ADGRV1: variants seen among roughly 807,000 people sequenced by gnomAD.
ADGRV1 encodes the protein adhesion G protein-coupled receptor V1.
ADGRV1 carries 359 observed loss-of-function variants against 596.2 expected under a neutral mutation model. The observed-to-expected ratio is 0.60, with a 90% confidence interval of 0.55 to 0.66. The LOEUF is 0.66. ADGRV1 is among the 30% of genes least tolerant of loss of function. The pLI is 0.00. For synonymous variants in ADGRV1, 2,681 were observed against 2,679.2 expected, an observed-to-expected ratio of 1.00 and a Z score of -0.02; for missense variants, 7,274 against 7,575.6, an observed-to-expected ratio of 0.96 and a Z score of 1.48.
chr5:90,789,967 T>G (rs1303197314), intron 69 of ADGRV1, 116 bp downstream of exon 69: 1 of 683,874 alleles, frequency 1.5e-6, no homozygotes, highest in Non-Finnish European at 2.1e-6. Context: ...TAAAGTTACG[T>G]GAGTTTTCAG....
At chr5:91,163,381 A>G (rs770223745) in intron 89 of ADGRV1, among the ~76,000 whole-genome samples, 16 of 152,212 alleles carry the variant, frequency 1.1e-4, no homozygotes, top group Non-Finnish European at 2.2e-4. Context: ...ACCTCAGTGC[A>G]TATGAATTCG....
intron 87 of ADGRV1, among the ~76,000 whole-genome samples, chr5:91,117,924 A>C (rs912200898): frequency 6.6e-6 from 1 of 152,206 alleles, no homozygotes; most frequent in African/African-American, 2.4e-5. Context: ...TAAATAATAC[A>C]TGTGAAGCAT....
At chr5:90,943,838 T>C (rs768185138) in intron 83 of ADGRV1, among the ~76,000 whole-genome samples, 18 of 152,110 alleles carry the variant, frequency 1.2e-4, no homozygotes, top group African/African-American at 3.9e-4. Context: ...ACATCAGTCA[T>C]TGGATTTAGA....
At chr5:91,007,425 T>C (rs866089045) in intron 85 of ADGRV1, among the ~76,000 whole-genome samples, 1 of 152,162 alleles carries the variant, frequency 6.6e-6, no homozygotes, top group East Asian at 1.9e-4. Flanking sequence ...TTCTCTCCCC[T>C]GGGTCCTACT....
intron 85 of ADGRV1, among the ~76,000 whole-genome samples, chr5:90,991,582 T>G (rs1279413541): frequency 6.6e-6 from 1 of 152,116 alleles, no homozygotes; most frequent in Non-Finnish European, 1.5e-5. Context: ...TCCAGCCTAG[T>G]TTTTTAGTAT....
chr5:90,887,573 G>A (rs1376248606), intron 83 of ADGRV1, among the ~76,000 whole-genome samples: 1 of 152,116 alleles, frequency 6.6e-6, no homozygotes, highest in African/African-American at 2.4e-5. Context: ...AGCACTGAAT[G>A]CATATTTGTT....
chr5:91,028,777 C>T (rs896879644), intron 85 of ADGRV1, among the ~76,000 whole-genome samples: 5 of 118,292 alleles, frequency 4.2e-5, no homozygotes, highest in South Asian at 2.8e-4. Flanking sequence ...TTTGTTCTGT[C>T]GCCAAGGCTG....
chr5:91,156,541 A>G (rs1796495658), intron 89 of ADGRV1, among the ~76,000 whole-genome samples: 1 of 152,234 alleles, frequency 6.6e-6, no homozygotes, highest in Admixed American at 6.5e-5. Flanking sequence ...CACCGGAAAC[A>G]TAAAGTGAAT....
Position 90,724,924 on chromosome 5 carries a change from G to A in ADGRV1, c.9841G>A (p.Gly3281Ser). Residue 3281 changes from glycine (G) to serine (S), a missense_variant, in exon 46 of 90, where the codon GGT (glycine) becomes AGT (serine). By Grantham distance (56) the Gly-to-Ser change is moderately conservative. Around this residue, in one of 5 missense-constraint regions of ADGRV1, gnomAD observed 3,643 missense variants for 3,809.2 expected, o/e 0.96. Coordinates refer to ENST00000405460, the MANE Select transcript of ADGRV1 (RefSeq NM_032119.4). ...CTTTACTTTGGAAAATTTAATATAT[G>A]GTATAATGTTAAGAAAATCATCTGT... is the stretch of plus-strand genomic sequence containing the variant. ...CFFTLENLIY[G>S]IMLRKSSVTV... 6.2e-7 allele frequency: 1 copy of A among 1,609,390 alleles called. No homozygotes were observed. The highest frequency in any genetic ancestry group is 8.5e-7 in the Non-Finnish European group (1 of 1,176,850).
Position 90,603,025 on chromosome 5 carries a change from T to G in ADGRV1, c.23-11810T>G, listed in dbSNP as rs148620377. ...TGGAGGAACCACAAATTATTACAGA[T>G]GAAATACAAACTTTTTTTTCTAACC... On this transcript the variant is annotated intron_variant, in intron 1 of 89. Transcript: ENST00000405460. Among the ~76,000 whole-genome samples the G allele has an allele frequency of 5.6e-4, 86 of 152,336 alleles. 1 individual carries two copies. The highest frequency in any genetic ancestry group is 4.8e-3 in the East Asian group (25 of 5,182).
chr5:91,093,824 G>A (rs937705538), intron 86 of ADGRV1, among the ~76,000 whole-genome samples: 3 of 151,276 alleles, frequency 2.0e-5, no homozygotes, highest in African/African-American at 4.9e-5. Context: ...ATATTCATAC[G>A]TGTGTATCAC....
chr5:90,713,184 G>A (rs752510363), intron 42 of ADGRV1, among the ~76,000 whole-genome samples: 109 of 152,020 alleles, frequency 7.2e-4, no homozygotes, highest in Non-Finnish European at 1.4e-3. Context: ...AAAAATTTTA[G>A]TTTGATGAAT....
At chr5:90,959,479 T>G (rs1383886376) in intron 83 of ADGRV1, among the ~76,000 whole-genome samples, 1 of 152,164 alleles carries the variant, frequency 6.6e-6, no homozygotes, top group African/African-American at 2.4e-5. Flanking sequence ...AAAAGTCATA[T>G]GGAAATGCAA....
intron 85 of ADGRV1, among the ~76,000 whole-genome samples, chr5:91,025,583 G>T (rs773258284): frequency 3.1e-4 from 47 of 152,124 alleles, no homozygotes; most frequent in Admixed American, 5.9e-4. Context: ...TGTTTCAGCT[G>T]ATCTCCCAAG....
intron 87 of ADGRV1, among the ~76,000 whole-genome samples, chr5:91,106,648 T>A (rs984608747): frequency 1.3e-5 from 2 of 152,190 alleles, no homozygotes; most frequent in Non-Finnish European, 2.9e-5. Flanking sequence ...CAATTAAATA[T>A]AGGAAGGTAA....
chr5:90,776,470 A>T lies in ADGRV1; in HGVS notation c.12421A>T (p.Ile4141Phe), dbSNP rs1758243355. 6.2e-7 allele frequency: 1 copy of T among 1,612,566 alleles called. No individual in the cohort carries two copies. Among genetic ancestry groups the T allele is most frequent in the Non-Finnish European group, 8.5e-7 (1 of 1,179,148 alleles). Residue 4141 changes from isoleucine (I) to phenylalanine (F), a missense_variant, in exon 61 of 90, where the codon ATT (isoleucine) becomes TTT (phenylalanine). Ile to Phe is a conservative substitution (Grantham distance 21). Coordinates refer to ENST00000405460, the MANE Select transcript of ADGRV1 (RefSeq NM_032119.4). Reference protein sequence around the residue: ...SPVKGSASIIIRGDKRASGEV... With the variant: ...SPVKGSASIIFRGDKRASGEV... ...GAATTTAGGTAGTGCATCAATAATTATTCGGGGTGATAAGCGAGCATCAGG... is the reference window on the plus strand; with the variant it reads ...GAATTTAGGTAGTGCATCAATAATTTTTCGGGGTGATAAGCGAGCATCAGG...
In ADGRV1 at chr5:90,635,468, C is replaced by G. The variant is rs930341449; in HGVS notation, c.2016+178C>G. ...GATGAGTATGTGATTTTTCCATCAT[C>G]GTTTACAGTATTAGATAGAATGAAA... On this transcript the variant is annotated intron_variant, in intron 10 of 89. Coordinates refer to ENST00000405460, the MANE Select transcript of ADGRV1 (RefSeq NM_032119.4). Among the ~76,000 whole-genome samples the G allele has an allele frequency of 4.6e-5, 7 of 152,102 alleles. No individual in the cohort carries two copies. The South Asian group carries it at 1.5e-3, about 32-fold the overall frequency.
chr5:90,827,235 T>C (rs544486173), intron 76 of ADGRV1, among the ~76,000 whole-genome samples: 2 of 152,256 alleles, frequency 1.3e-5, no homozygotes, highest in South Asian at 4.1e-4. Context: ...GAATTACACA[T>C]GGAATGGGCT....
intron 21 of ADGRV1, among the ~76,000 whole-genome samples, chr5:90,666,903 G>T (rs1771518378): frequency 6.6e-6 from 1 of 151,548 alleles, no homozygotes; most frequent in Admixed American, 6.6e-5. Flanking sequence ...ATTCTGGGTT[G>T]AAAATTCTTT....
Sources: gnomAD v4.1 joint callset for allele counts (sites outside exome capture counted in the v4.1 genomes callset) on GRCh38, gnomAD v4.1.1 for gene constraint, gnomAD v4.1.1 regional missense constraint, MANE v1.5 for transcripts, NCBI Gene and HGNC (gene_info 2026-07-23, HGNC 2026-07-21) for gene names.